The following SNX29 variants were observed in gnomAD, a reference collection of about 807,000 sequenced individuals.
The protein encoded by SNX29 is sorting nexin 29, also known as sorting nexin-29.
SNX29 carries 78 observed loss-of-function variants against 102.1 expected under a neutral mutation model. The ratio of observed to expected loss-of-function variants is 0.76; its 90% CI spans 0.64 to 0.92. SNX29 has a LOEUF of 0.92. SNX29 is among the 40% of genes least tolerant of loss of function. The probability of loss-of-function intolerance (pLI) is 0.00; values close to 1 mark genes in which losing one functional copy is unlikely to be tolerated. For synonymous variants in SNX29, 580 were observed against 414.5 expected (o/e 1.40, Z -4.85); for missense variants, 1,280 against 1,061.7 (o/e 1.21, Z -2.86).
intron 13 of SNX29, among the ~76,000 whole-genome samples, chr16:12,174,938 A>AC (rs2076226970): frequency 2.6e-5 from 4 of 152,184 alleles, no homozygotes; most frequent in South Asian, 2.1e-4. Context: ...ATTAAAAAAA[A>AC]AACAACCAAT....
At chr16:12,091,043 GA>G (rs1439789857) in intron 11 of SNX29, among the ~76,000 whole-genome samples, 1 of 77,626 alleles carries the variant, frequency 1.3e-5, no homozygotes, top group Non-Finnish European at 2.5e-5. Context: ...AAAAAAGAAA[GA>G]AAAAGAAAAA....
chr16:12,448,012 G>C (rs144952816), intron 18 of SNX29, among the ~76,000 whole-genome samples: 1 of 152,170 alleles, frequency 6.6e-6, no homozygotes, highest in Non-Finnish European at 1.5e-5. Context: ...GCTTGGGAAT[G>C]ATGATGATGG....
chr16:12,146,123 G>C (rs1045690503), intron 13 of SNX29, among the ~76,000 whole-genome samples: 11 of 152,188 alleles, frequency 7.2e-5, no homozygotes, highest in Admixed American at 1.3e-4. Flanking sequence ...TTTCCACCTC[G>C]ATTTGCATTG....
chr16:12,197,501 G>A (rs1268286033), intron 13 of SNX29, among the ~76,000 whole-genome samples: 1 of 152,156 alleles, frequency 6.6e-6, no homozygotes, highest in East Asian at 1.9e-4. Context: ...AACCCAGGAG[G>A]CAGAGGTTGC....
intron 4 of SNX29, among the ~76,000 whole-genome samples, chr16:12,042,034 T>A (rs2049899531): frequency 6.6e-6 from 1 of 152,184 alleles, no homozygotes; most frequent in South Asian, 2.1e-4. Context: ...TTTTTTCTTA[T>A]TTCATTATTG....
intron 18 of SNX29, among the ~76,000 whole-genome samples, chr16:12,408,983 T>G (rs1349605253): frequency 6.6e-6 from 1 of 152,192 alleles, no homozygotes; most frequent in Non-Finnish European, 1.5e-5. Context: ...GAATGCAAAT[T>G]ATTGCAAAAA....
intron 20 of SNX29, among the ~76,000 whole-genome samples, chr16:12,554,202 G>A (rs72773378): frequency 0.073 from 11,058 of 152,272 alleles, 503 homozygotes; most frequent in Non-Finnish European, 0.1. Context: ...CCATTTGAAC[G>A]ATGAGCATAT....
chr16:12,049,333 C>CTT (rs139469974), intron 7 of SNX29, among the ~76,000 whole-genome samples: 4 of 144,556 alleles, frequency 2.8e-5, no homozygotes, highest in Non-Finnish European at 6.1e-5. Context: ...AATTTTTTAA[C>CTT]TTTTTTTTTT....
intron 14 of SNX29, among the ~76,000 whole-genome samples, chr16:12,255,844 GATAA>G (rs2078556976): frequency 6.6e-6 from 1 of 152,186 alleles, no homozygotes; most frequent in South Asian, 2.1e-4. Flanking sequence ...TGAGAGTGCA[GATAA>G]ATAACTCTTC....
intron 19 of SNX29, among the ~76,000 whole-genome samples, chr16:12,520,878 A>T (rs897315967): frequency 1.3e-5 from 2 of 152,192 alleles, no homozygotes; most frequent in Non-Finnish European, 2.9e-5. Context: ...TGAAGGGGGC[A>T]CTAGAGTTTC....
At chr16:12,050,550 G>C (rs1273141913) in intron 7 of SNX29, among the ~76,000 whole-genome samples, 1 of 152,094 alleles carries the variant, frequency 6.6e-6, no homozygotes, top group African/African-American at 2.4e-5. Flanking sequence ...CACGTGTCTG[G>C]AATCAGTGCT....
chr16:12,399,627 A>G (rs141127801), intron 17 of SNX29, among the ~76,000 whole-genome samples: 127 of 152,316 alleles, frequency 8.3e-4, no homozygotes, highest in African/African-American at 2.8e-3. Flanking sequence ...TGTGAGGCGA[A>G]GGTCCTGATG....
At chr16:12,559,789 C>T (rs1160704349) in intron 20 of SNX29, among the ~76,000 whole-genome samples, 2 of 152,174 alleles carry the variant, frequency 1.3e-5, no homozygotes, top group South Asian at 2.1e-4. Context: ...ACAGCACCTT[C>T]GTCCTTACTA....
chr16:12,463,847 T>TGTGTGTGTGG (rs1222072331), intron 18 of SNX29, among the ~76,000 whole-genome samples: 4 of 149,680 alleles, frequency 2.7e-5, no homozygotes, highest in Non-Finnish European at 4.4e-5. Context: ...TGTGTGTGTG[T>TGTGTGTGTGG]GTGTGTGAGA....
chr16:12,486,409 C>G (rs11863512), intron 19 of SNX29, among the ~76,000 whole-genome samples: 35,220 of 151,488 alleles, frequency 0.23, 4,673 homozygotes, highest in South Asian at 0.4. Flanking sequence ...CCTCATCCTG[C>G]CTACCGTACA....
chr16:12,335,596 A>G (rs1282160039), intron 15 of SNX29, among the ~76,000 whole-genome samples: 1 of 152,046 alleles, frequency 6.6e-6, no homozygotes, highest in Non-Finnish European at 1.5e-5. Context: ...GGATCTCTTG[A>G]GCCTAGGCAT....
At chr16:12,201,697 T>C (rs934189940) in intron 14 of SNX29, among the ~76,000 whole-genome samples, 1 of 152,224 alleles carries the variant, frequency 6.6e-6, no homozygotes, top group Admixed American at 6.5e-5. Context: ...TTTGCACGTC[T>C]AGATAATGTG....
At chr16:12,121,991 T>G (rs2053993666) in intron 11 of SNX29, among the ~76,000 whole-genome samples, 1 of 152,064 alleles carries the variant, frequency 6.6e-6, no homozygotes, top group African/African-American at 2.4e-5. Context: ...AATTTTTGTG[T>G]TTTTAGTAGA....
chr16:12,340,788 G>A (rs552098075), intron 15 of SNX29, among the ~76,000 whole-genome samples: 2 of 152,312 alleles, frequency 1.3e-5, no homozygotes, highest in South Asian at 4.1e-4. Context: ...GGGCATTGAA[G>A]CATCTTTGTG....
Sources: allele counts gnomAD v4.1 joint callset (sites outside exome capture counted in the v4.1 genomes callset), GRCh38; gene constraint gnomAD v4.1.1; transcripts MANE v1.5; gene names NCBI Gene and HGNC (gene_info 2026-07-23, HGNC 2026-07-21).